The following PTPRQ variants were observed in gnomAD, a reference collection of about 807,000 sequenced individuals.
The protein encoded by PTPRQ is phosphatidylinositol phosphatase PTPRQ.
A neutral mutation model predicts 246.0 loss-of-function variants in PTPRQ; 199 were observed. The observed-to-expected ratio is 0.81, with a 90% CI of 0.72 to 0.91. The LOEUF (loss-of-function observed/expected upper bound fraction) is 0.91. Among genes scored for constraint, PTPRQ ranks in the 40% least tolerant of loss-of-function variants. The pLI is 0.00. For synonymous variants in PTPRQ, 869 were observed against 853.2 expected, an observed-to-expected ratio of 1.02 and a Z score of -0.32; for missense variants, 2,624 against 2,528.4, an observed-to-expected ratio of 1.04 and a Z score of -0.81.
At chr12:80,486,227 T>C (rs150467754) in intron 9 of PTPRQ, among the ~76,000 whole-genome samples, 8 of 152,288 alleles carry the variant, frequency 5.3e-5, no homozygotes, top group Non-Finnish European at 1.0e-4. Context: ...CTGTGCTAAA[T>C]AATTGTGACC....
intron 18 of PTPRQ, among the ~76,000 whole-genome samples, chr12:80,534,605 G>C (rs1895934819): frequency 6.6e-6 from 1 of 151,964 alleles, no homozygotes; most frequent in Non-Finnish European, 1.5e-5. Context: ...TTGGAAACCT[G>C]TTATAATATT....
Position 80,663,879 on chromosome 12 carries a change from C to T in PTPRQ, c.6193-5128C>T, listed in dbSNP as rs150471844. ...TCACTGGACTCTGATAATTCTTCAA[C>T]CCTGCTCTGCCCTACAGCTCTTTGA... On this transcript the variant is annotated intron_variant, in intron 39 of 44. Coordinates refer to ENST00000644991, the MANE Select transcript of PTPRQ (RefSeq NM_001145026.2). Among the ~76,000 whole-genome samples the T allele has an allele frequency of 2.1e-3, 322 of 152,006 alleles. 2 individuals carry two copies. The highest frequency in any genetic ancestry group is 7.6e-3 in the African/African-American group (316 of 41,494).
At chr12:80,516,054 A>G (rs1895289745) in intron 17 of PTPRQ, among the ~76,000 whole-genome samples, 1 of 152,140 alleles carries the variant, frequency 6.6e-6, no homozygotes, top group African/African-American at 2.4e-5. Flanking sequence ...AATAACACGT[A>G]TTTTTCAAAT....
chr12:80,448,554 G>A (rs937514131), intron 3 of PTPRQ, among the ~76,000 whole-genome samples: 1 of 150,716 alleles, frequency 6.6e-6, no homozygotes, highest in Non-Finnish European at 1.5e-5. Context: ...TCCCCAGAGT[G>A]TGATGTTCCC....
At chr12:80,635,794 G>T (rs1284118874) in intron 35 of PTPRQ, among the ~76,000 whole-genome samples, 3 of 151,958 alleles carry the variant, frequency 2.0e-5, no homozygotes, top group Non-Finnish European at 4.4e-5. Flanking sequence ...CTACCATCAG[G>T]CTATTTTAAC....
chr12:80,445,473 T>C lies in PTPRQ; in HGVS notation c.164-18T>C, dbSNP rs1892523118. The stretch of plus-strand genomic sequence containing the variant: ...ATAATTATTTGACCTTTTAACAAAA[T>C]GGATTTTTTAAAAATAGAACCAGGG... On this transcript the variant is annotated intron_variant, in intron 2 of 44. Coordinates refer to ENST00000644991, the MANE Select transcript of PTPRQ (RefSeq NM_001145026.2). 2 of 1,430,898 alleles carry C rather than the reference T, an allele frequency of 1.4e-6. No individual in the cohort carries two copies. Among genetic ancestry groups the C allele is most frequent in the East Asian group, 2.5e-5 (1 of 40,286 alleles). The allele number at this position is 1,430,898 out of a possible 1,614,324, so 88.6% of individuals were successfully genotyped here.
chr12:80,467,029 C>T (rs1167822428), intron 6 of PTPRQ, among the ~76,000 whole-genome samples: 2 of 152,168 alleles, frequency 1.3e-5, no homozygotes, highest in South Asian at 2.1e-4. Context: ...AACTAAAGAG[C>T]GTCTGCATAG....
chr12:80,581,666 A>G (rs1449351880), intron 25 of PTPRQ, among the ~76,000 whole-genome samples: 2 of 152,288 alleles, frequency 1.3e-5, no homozygotes, highest in Non-Finnish European at 2.9e-5. Flanking sequence ...TCCACATAAT[A>G]AAAACGATCA....
chr12:80,576,214 T>C (rs1283155483), intron 25 of PTPRQ, among the ~76,000 whole-genome samples: 2 of 152,146 alleles, frequency 1.3e-5, no homozygotes, highest in Non-Finnish European at 2.9e-5. Flanking sequence ...CAATCTCGGC[T>C]CACTGCAACC....
At chr12:80,544,664 G>A (rs183539863) in intron 23 of PTPRQ, among the ~76,000 whole-genome samples, 71 of 151,608 alleles carry the variant, frequency 4.7e-4, no homozygotes, top group African/African-American at 1.6e-3. Flanking sequence ...TCCCTGTCTT[G>A]GCATCTAGTT....
intron 39 of PTPRQ, among the ~76,000 whole-genome samples, chr12:80,665,568 A>C (rs1319031391): frequency 6.6e-6 from 1 of 152,044 alleles, no homozygotes; most frequent in Non-Finnish European, 1.5e-5. Flanking sequence ...AAAACCTCAA[A>C]AACACAGGCA....
At chr12:80,485,427 C>T (rs1894242196) in intron 9 of PTPRQ, among the ~76,000 whole-genome samples, 1 of 152,156 alleles carries the variant, frequency 6.6e-6, no homozygotes, top group Non-Finnish European at 1.5e-5. Context: ...CAGCACCTGG[C>T]GTCTGCTGTG....
In PTPRQ at chr12:80,605,115, A is replaced by C. The variant is rs143126619; in HGVS notation, c.4666A>C (p.Ser1556Arg). 281 of 1,545,464 alleles carry C rather than the reference A, an allele frequency of 1.8e-4. 1 individual carries two copies. The African/African-American group carries it at 3.4e-3, about 19-fold the overall frequency. Residue 1556 changes from serine (S) to arginine (R), a missense_variant, in exon 27 of 45, where the codon AGC (serine) becomes CGC (arginine). Physicochemically the swap from Ser to Arg is moderately radical, Grantham distance 110. Coordinates refer to ENST00000644991, the MANE Select transcript of PTPRQ (RefSeq NM_001145026.2). ...AGTAGCAACATCACCTTTTAGCATCAGCATAAGCTGGAGTGAACCTGCTGT... is the reference window on the plus strand; with the variant it reads ...AGTAGCAACATCACCTTTTAGCATCCGCATAAGCTGGAGTGAACCTGCTGT... The part of the protein sequence containing the change: ...HVVATSPFSI[S>R]ISWSEPAVIT...
At chr12:80,504,495 G>A (rs542390493) in intron 14 of PTPRQ, among the ~76,000 whole-genome samples, 22 of 151,900 alleles carry the variant, frequency 1.4e-4, no homozygotes, top group African/African-American at 5.3e-4. Context: ...TCTGACTACT[G>A]TGTATGTGTG....
chr12:80,479,590 T>A (rs1321920308), intron 8 of PTPRQ, among the ~76,000 whole-genome samples: 1 of 143,470 alleles, frequency 7.0e-6, no homozygotes, highest in Non-Finnish European at 1.5e-5. Flanking sequence ...GCAAATTGGA[T>A]AAAGAGTCAA....
At position 80,545,135 on chromosome 12, in the gene PTPRQ, T is replaced by C. The variant is rs572346405; in HGVS notation, c.3874-1421T>C. ...GCCCTTCCTAACCAAAATCATAATT[T>C]GCTTGTTTTGTGTTTAATTTTTTCT... On this transcript the variant is annotated intron_variant, in intron 23 of 44. Coordinates refer to ENST00000644991, the MANE Select transcript of PTPRQ (RefSeq NM_001145026.2). 7.9e-4 allele frequency among the ~76,000 whole-genome samples: 120 copies of C among 152,240 alleles called. 1 individual carries two copies. Among genetic ancestry groups the C allele is most frequent in the Non-Finnish European group, 1.4e-3 (94 of 67,978 alleles).
intron 39 of PTPRQ, among the ~76,000 whole-genome samples, chr12:80,660,650 G>C (rs1168628186): frequency 6.6e-6 from 1 of 151,960 alleles, no homozygotes; most frequent in African/African-American, 2.4e-5. Context: ...ACTTTAATTT[G>C]ATGACAGCTT....
At chr12:80,627,475 C>T (rs1283396383) in intron 33 of PTPRQ, among the ~76,000 whole-genome samples, 1 of 151,558 alleles carries the variant, frequency 6.6e-6, no homozygotes, top group Non-Finnish European at 1.5e-5. Flanking sequence ...TTATATGCAT[C>T]TTTATCAGGA....
At chr12:80,642,711 G>C (rs1249784897) in intron 35 of PTPRQ, among the ~76,000 whole-genome samples, 2 of 151,188 alleles carry the variant, frequency 1.3e-5, no homozygotes, top group Non-Finnish European at 3.0e-5. Context: ...ACGAGGTCAG[G>C]AGATCGAGAC....
Sources: allele counts gnomAD v4.1 joint callset (sites outside exome capture counted in the v4.1 genomes callset), GRCh38; gene constraint gnomAD v4.1.1; transcripts MANE v1.5; gene names NCBI Gene and HGNC (gene_info 2026-07-23, HGNC 2026-07-21).